The following CCDC91 variants were observed in gnomAD, a reference collection of about 807,000 sequenced individuals.
CCDC91 encodes the protein coiled-coil domain-containing protein 91.
Under a neutral mutation model 63.2 loss-of-function variants are expected in CCDC91, and 48 were observed. The ratio of observed to expected loss-of-function variants is 0.76; its 90% confidence interval spans 0.60 to 0.97. The LOEUF is 0.97. Among genes scored for constraint, CCDC91 ranks in the 50% least tolerant of loss-of-function variants. The pLI is 0.00. For synonymous variants in CCDC91, 167 were observed against 165.8 expected, an observed-to-expected ratio of 1.01 and a Z score of -0.06; for missense variants, 500 against 494.6, an observed-to-expected ratio of 1.01 and a Z score of -0.10.
intron 6 of CCDC91, among the ~76,000 whole-genome samples, chr12:28,359,324 T>G (rs1943724775): frequency 6.6e-6 from 1 of 152,250 alleles, no homozygotes; most frequent in Non-Finnish European, 1.5e-5. Flanking sequence ...ACATTTATTT[T>G]CAATTTGTAA....
chr12:28,210,140 T>A (rs1943129845), intron 1 of CCDC91, among the ~76,000 whole-genome samples: 1 of 152,196 alleles, frequency 6.6e-6, no homozygotes, highest in Non-Finnish European at 1.5e-5. Context: ...TAACCCTCTT[T>A]GCATAGCTAG....
rs115728614 is a variant in CCDC91 at position 28,382,177 on chromosome 12, G to C, written c.655-9127G>C. Among the ~76,000 whole-genome samples the C allele has an allele frequency of 9.2e-3, 1,402 of 151,836 alleles. 27 individuals are homozygous for C. Among genetic ancestry groups the C allele is most frequent in the African/African-American group, 0.032 (1,332 of 41,410 alleles). On this transcript the variant is annotated intron_variant, in intron 7 of 12. Coordinates refer to ENST00000536442, the MANE Select transcript of CCDC91 (RefSeq NM_018318.5). ...AATAACATTGATTTAAGTCAAACCT[G>C]TAATCTCTTAATGTTGATGGCTTTT...
At chr12:28,219,288 GTTATC>G (rs775819132) in intron 1 of CCDC91, among the ~76,000 whole-genome samples, 1 of 151,924 alleles carries the variant, frequency 6.6e-6, no homozygotes, top group East Asian at 1.9e-4. Context: ...AAAAAATTAG[GTTATC>G]TTATTATTTA....
At chr12:28,498,394 A>G (rs554192401) in intron 12 of CCDC91, among the ~76,000 whole-genome samples, 40 of 151,716 alleles carry the variant, frequency 2.6e-4, no homozygotes, top group African/African-American at 9.2e-4. Context: ...GCAAGAGAGA[A>G]AGCCCAAACA....
intron 1 of CCDC91, among the ~76,000 whole-genome samples, chr12:28,207,033 A>G (rs1406977219): frequency 3.3e-5 from 5 of 152,246 alleles, no homozygotes; most frequent in African/African-American, 4.8e-5. Flanking sequence ...TATCTCTCAA[A>G]GTGTAAGATT....
intron 11 of CCDC91, among the ~76,000 whole-genome samples, chr12:28,455,383 A>G (rs1012969089): frequency 1.3e-5 from 2 of 152,134 alleles, no homozygotes; most frequent in African/African-American, 4.8e-5. Flanking sequence ...CTAGAAGTAT[A>G]ATTTATAAAT....
At chr12:28,491,412 C>T (rs552814998) in intron 12 of CCDC91, among the ~76,000 whole-genome samples, 2 of 151,742 alleles carry the variant, frequency 1.3e-5, no homozygotes, top group East Asian at 3.9e-4. Flanking sequence ...GAACATACTC[C>T]TTAACGAATT....
intron 6 of CCDC91, among the ~76,000 whole-genome samples, chr12:28,320,638 A>G (rs1340256308): frequency 6.6e-6 from 1 of 151,926 alleles, no homozygotes; most frequent in African/African-American, 2.4e-5. Context: ...TTATAAAATC[A>G]GTACACTTTA....
chr12:28,429,468 T>C (rs542515171), intron 8 of CCDC91, among the ~76,000 whole-genome samples: 8 of 152,100 alleles, frequency 5.3e-5, no homozygotes, highest in Non-Finnish European at 7.4e-5. Context: ...TTTAATAAGC[T>C]AGTAACATTA....
intron 7 of CCDC91, among the ~76,000 whole-genome samples, chr12:28,370,579 T>C (rs1423989027): frequency 6.6e-6 from 1 of 152,222 alleles, no homozygotes; most frequent in Non-Finnish European, 1.5e-5. Context: ...CCTTCATCTT[T>C]TACCCAGTTC....
At chr12:28,477,193 C>T (rs929975469) in intron 11 of CCDC91, among the ~76,000 whole-genome samples, 10 of 152,062 alleles carry the variant, frequency 6.6e-5, no homozygotes, top group Admixed American at 3.9e-4. Flanking sequence ...ACCAATATCC[C>T]TGATGAACAT....
chr12:28,538,332 C>T (rs1347850996), intron 12 of CCDC91, among the ~76,000 whole-genome samples: 1 of 148,176 alleles, frequency 6.7e-6, no homozygotes, highest in Non-Finnish European at 1.5e-5. Context: ...GTTCAATTCC[C>T]ACCTATAAGT....
chr12:28,395,119 G>A (rs978960930), intron 8 of CCDC91, among the ~76,000 whole-genome samples: 1 of 152,096 alleles, frequency 6.6e-6, no homozygotes, highest in Non-Finnish European at 1.5e-5. Flanking sequence ...TTCATATGTT[G>A]TCTTGTCAAA....
At chr12:28,462,147 C>G (rs1443622578) in intron 11 of CCDC91, among the ~76,000 whole-genome samples, 2 of 151,674 alleles carry the variant, frequency 1.3e-5, no homozygotes, top group African/African-American at 4.8e-5. Flanking sequence ...TGTTACATTT[C>G]TTTGTCTTTT....
At chr12:28,440,902 A>T (rs1224382665) in intron 8 of CCDC91, among the ~76,000 whole-genome samples, 1 of 151,614 alleles carries the variant, frequency 6.6e-6, no homozygotes, top group African/African-American at 2.4e-5. Flanking sequence ...CTACTAAAAT[A>T]CAAAAATTAG....
intron 12 of CCDC91, among the ~76,000 whole-genome samples, chr12:28,504,140 T>C (rs1938396715): frequency 6.6e-6 from 1 of 151,526 alleles, no homozygotes; most frequent in South Asian, 2.1e-4. Flanking sequence ...AAAATAAGTA[T>C]ATTCAAAAGA....
At chr12:28,256,548 G>A (rs1439742297) in intron 1 of CCDC91, among the ~76,000 whole-genome samples, 1 of 151,802 alleles carries the variant, frequency 6.6e-6, no homozygotes, top group Non-Finnish European at 1.5e-5. Flanking sequence ...CATACTTTAA[G>A]AGTAAAGAAA....
At chr12:28,460,928 A>G (rs1027312666) in intron 11 of CCDC91, among the ~76,000 whole-genome samples, 10 of 151,914 alleles carry the variant, frequency 6.6e-5, no homozygotes, top group Admixed American at 2.6e-4. Flanking sequence ...TGAGAAATGC[A>G]TCATTGGGAG....
At chr12:28,503,309 A>G (rs1938220448) in intron 12 of CCDC91, among the ~76,000 whole-genome samples, 1 of 152,262 alleles carries the variant, frequency 6.6e-6, no homozygotes, top group Admixed American at 6.5e-5. Flanking sequence ...GAAGACATTT[A>G]TGCAGCCAAA....
Sources: gnomAD v4.1 joint callset for allele counts (sites outside exome capture counted in the v4.1 genomes callset) on GRCh38, gnomAD v4.1.1 for gene constraint, MANE v1.5 for transcripts, NCBI Gene and HGNC (gene_info 2026-07-23, HGNC 2026-07-21) for gene names.